The following ERBIN variants were observed in gnomAD, a reference collection of about 807,000 sequenced individuals.
ERBIN encodes erbb2 interacting protein.
In ERBIN, 60 loss-of-function variants were observed where a neutral mutation model predicts 158.4. That is an observed-to-expected ratio of 0.38 (90% CI 0.31 to 0.47). The LOEUF (loss-of-function observed/expected upper bound fraction) is 0.47, where lower values mean the gene tolerates loss of function less well. Ranked by LOEUF, ERBIN falls within the 20% of genes least tolerant of loss-of-function variation. The pLI is 0.99. For synonymous variants in ERBIN, 594 were observed against 557.2 expected, an observed-to-expected ratio of 1.07 and a Z score of -0.93; for missense variants, 1,610 against 1,648.0, an observed-to-expected ratio of 0.98 and a Z score of 0.40.
At chr5:65,963,619 CA>C (rs1038832655) in intron 1 of ERBIN, among the ~76,000 whole-genome samples, 1 of 151,144 alleles carries the variant, frequency 6.6e-6, no homozygotes, top group Non-Finnish European at 1.5e-5. Flanking sequence ...CAAAAACCAA[CA>C]AAAAAAACTA....
intron 1 of ERBIN, among the ~76,000 whole-genome samples, chr5:65,971,889 G>T (rs1309885360): frequency 1.3e-5 from 2 of 152,250 alleles, no homozygotes; most frequent in East Asian, 3.9e-4. Flanking sequence ...GTGTTACCTG[G>T]TACCAAAATA....
chr5:66,027,540 T>C (rs1481886476), intron 13 of ERBIN, among the ~76,000 whole-genome samples: 1 of 152,084 alleles, frequency 6.6e-6, no homozygotes. Flanking sequence ...ATTGTGTCAG[T>C]ACTGAACGTG....
chr5:66,069,724 C>T (rs914766537), intron 21 of ERBIN, among the ~76,000 whole-genome samples: 2 of 152,170 alleles, frequency 1.3e-5, no homozygotes, highest in Non-Finnish European at 2.9e-5. Flanking sequence ...TCCTTCCGCC[C>T]CTCTCCTTCA....
At chr5:65,946,514 C>T (rs1372471568) in intron 1 of ERBIN, among the ~76,000 whole-genome samples, 1 of 152,168 alleles carries the variant, frequency 6.6e-6, no homozygotes, top group Non-Finnish European at 1.5e-5. Flanking sequence ...CCATGTGCTA[C>T]CAATTTGTTG....
intron 1 of ERBIN, among the ~76,000 whole-genome samples, chr5:65,957,165 C>T (rs1747238222): frequency 6.6e-6 from 1 of 151,056 alleles, no homozygotes; most frequent in Admixed American, 6.6e-5. Flanking sequence ...TAGTACAGAT[C>T]GTCCCCAATT....
intron 1 of ERBIN, among the ~76,000 whole-genome samples, chr5:65,937,883 G>A (rs1467007528): frequency 1.3e-5 from 2 of 152,134 alleles, no homozygotes; most frequent in Non-Finnish European, 2.9e-5. Context: ...CACCCAGCCT[G>A]GGGGACTGAG....
At chr5:65,937,998 G>A (rs1580071551) in intron 1 of ERBIN, among the ~76,000 whole-genome samples, 1 of 152,136 alleles carries the variant, frequency 6.6e-6, no homozygotes, top group Admixed American at 6.5e-5. Context: ...ATAACTTTAC[G>A]ATAGCATATC....
chr5:66,016,640 GTC>G (rs200060543), intron 7 of ERBIN, among the ~76,000 whole-genome samples: 2 of 142,516 alleles, frequency 1.4e-5, no homozygotes, highest in East Asian at 2.0e-4. Flanking sequence ...TTGAGACGGA[GTC>G]TCTCTCTGTC....
In ERBIN at chr5:66,054,230, T is replaced by C. The variant is rs971914530; in HGVS notation, c.2912T>C (p.Ile971Thr). ...AGTGGCCCACAATCTGCACCTCAAA[T>C]ATATGGTCCTCCACAGTATAATATC... Reference protein sequence around the residue: ...PTSGPQSAPQIYGPPQYNIQY... With the variant: ...PTSGPQSAPQTYGPPQYNIQY... The change falls in exon 21 of 26, where the codon ATA becomes ACA. Residue 971 changes from isoleucine to threonine, a missense_variant. By Grantham distance (89) the Ile-to-Thr change is moderately conservative (BLOSUM62 -1). This residue lies in a region of ERBIN where 1,014 missense variants were observed against 936.1 expected (regional missense o/e 1.08). Transcript: ENST00000284037. The C allele has an allele frequency of 1.7e-5, 27 of 1,614,030 alleles. No individual in the cohort carries two copies. The highest frequency in any genetic ancestry group is 2.7e-5 in the African/African-American group (2 of 74,912).
chr5:65,999,225 G>T (rs1752773903), intron 4 of ERBIN, among the ~76,000 whole-genome samples: 1 of 152,132 alleles, frequency 6.6e-6, no homozygotes. Context: ...AATAAGCCAG[G>T]CTTGGTGGTG....
chr5:65,985,093 A>C (rs114875315), intron 1 of ERBIN, among the ~76,000 whole-genome samples: 1 of 152,114 alleles, frequency 6.6e-6, no homozygotes, highest in South Asian at 2.1e-4. Context: ...ATCACATGAC[A>C]TTTTTTTGTT....
intron 1 of ERBIN, among the ~76,000 whole-genome samples, chr5:65,930,812 T>C (rs1287160708): frequency 6.6e-6 from 1 of 152,236 alleles, no homozygotes; most frequent in Non-Finnish European, 1.5e-5. Context: ...TACCTTCCTC[T>C]TCTGTCCTAC....
At chr5:66,005,310 G>A (rs1008784983) in intron 4 of ERBIN, among the ~76,000 whole-genome samples, 7 of 152,184 alleles carry the variant, frequency 4.6e-5, no homozygotes, top group African/African-American at 1.4e-4. Context: ...GAAGGACAGA[G>A]TTGCCATCAG....
At chr5:66,061,513 C>T (rs960794990) in intron 21 of ERBIN, among the ~76,000 whole-genome samples, 2 of 152,000 alleles carry the variant, frequency 1.3e-5, no homozygotes, top group Admixed American at 6.6e-5. Context: ...CCAGTCTGTG[C>T]CTTTTAATTG....
chr5:65,951,659 C>T (rs28581890), intron 1 of ERBIN, among the ~76,000 whole-genome samples: 73 of 152,232 alleles, frequency 4.8e-4, no homozygotes, highest in African/African-American at 1.8e-3. Context: ...GGAATACCAC[C>T]TCAATGTTGA....
At chr5:65,976,954 CT>C (rs1480659827) in intron 1 of ERBIN, among the ~76,000 whole-genome samples, 1 of 152,186 alleles carries the variant, frequency 6.6e-6, no homozygotes, top group Non-Finnish European at 1.5e-5. Context: ...ATTTCTCAAT[CT>C]TTTCCCCACC....
chr5:65,975,966 C>T (rs1375953582), intron 1 of ERBIN, among the ~76,000 whole-genome samples: 1 of 152,130 alleles, frequency 6.6e-6, no homozygotes, highest in East Asian at 1.9e-4. Context: ...AATTTGACTG[C>T]CTTTTTCTGT....
chr5:65,933,013 G>T (rs1743630354), intron 1 of ERBIN, among the ~76,000 whole-genome samples: 1 of 151,942 alleles, frequency 6.6e-6, no homozygotes, highest in South Asian at 2.1e-4. Flanking sequence ...GGCTGGTCTT[G>T]AACTCCTGGC....
At chr5:65,995,675 G>A (rs1752354723) in intron 4 of ERBIN, among the ~76,000 whole-genome samples, 1 of 151,984 alleles carries the variant, frequency 6.6e-6, no homozygotes, top group African/African-American at 2.4e-5. Flanking sequence ...TGGTAGTTCT[G>A]ATTTTTTGAG....
Sources: allele counts gnomAD v4.1 joint callset (sites outside exome capture counted in the v4.1 genomes callset), GRCh38; gene constraint gnomAD v4.1.1; regional missense constraint gnomAD v4.1.1; transcripts MANE v1.5; gene names NCBI Gene and HGNC (gene_info 2026-07-23, HGNC 2026-07-21).